The following PCCA variants were observed in gnomAD, a reference collection of about 807,000 sequenced individuals.
PCCA encodes propionyl-CoA carboxylase alpha chain, mitochondrial.
A neutral mutation model predicts 101.3 loss-of-function variants in PCCA; 74 were observed. That is an observed-to-expected ratio of 0.73 (90% confidence interval 0.61 to 0.89). PCCA has a LOEUF of 0.89. Among genes scored for constraint, PCCA ranks in the 40% least tolerant of loss-of-function variants. PCCA has a pLI of 0.00. For missense variants in PCCA, 891 were observed against 907.0 expected (o/e 0.98, Z 0.23); for synonymous variants, 294 against 313.6 (o/e 0.94, Z 0.66).
chr13:100,358,138 T>C (rs2074145754), intron 18 of PCCA, among the ~76,000 whole-genome samples: 3 of 152,240 alleles, frequency 2.0e-5, no homozygotes, highest in Non-Finnish European at 2.9e-5. Context: ...CTGGAATAAA[T>C]GGTTTGGACT....
intron 8 of PCCA, among the ~76,000 whole-genome samples, chr13:100,250,309 A>G (rs2061674996): frequency 6.6e-6 from 1 of 152,054 alleles, no homozygotes; most frequent in Non-Finnish European, 1.5e-5. Context: ...GCATCTATTT[A>G]TATGATCATA....
At chr13:100,139,870 A>C (rs9585361) in intron 4 of PCCA, among the ~76,000 whole-genome samples, 11 of 150,784 alleles carry the variant, frequency 7.3e-5, no homozygotes, top group African/African-American at 2.4e-4. Flanking sequence ...TTCAGTAGCA[A>C]TTAACTTGGT....
intron 18 of PCCA, among the ~76,000 whole-genome samples, chr13:100,343,300 T>G (rs1183639524): frequency 6.6e-6 from 1 of 151,842 alleles, no homozygotes; most frequent in East Asian, 1.9e-4. Context: ...AAGTTCATGA[T>G]AAGATGCTCA....
intron 7 of PCCA, among the ~76,000 whole-genome samples, chr13:100,216,220 A>G (rs1035170570): frequency 4.6e-5 from 7 of 152,122 alleles, no homozygotes; most frequent in African/African-American, 1.4e-4. Flanking sequence ...TCATGTTGCT[A>G]TCCTGGAGAA....
chr13:100,185,655 T>A (rs2057193067), intron 6 of PCCA, among the ~76,000 whole-genome samples: 1 of 151,582 alleles, frequency 6.6e-6, no homozygotes, highest in South Asian at 2.1e-4. Context: ...TTCTTTTTTT[T>A]TTTTTTTGTG....
intron 19 of PCCA, among the ~76,000 whole-genome samples, chr13:100,411,509 G>A (rs2078049951): frequency 6.6e-6 from 1 of 152,180 alleles, no homozygotes; most frequent in Admixed American, 6.5e-5. Context: ...CATTAATCAA[G>A]AGGAAACATT....
At chr13:100,452,651 TTA>T (rs1437721874) in intron 21 of PCCA, among the ~76,000 whole-genome samples, 5 of 135,956 alleles carry the variant, frequency 3.7e-5, no homozygotes, top group African/African-American at 1.7e-4. Flanking sequence ...CTTTATTTAT[TTA>T]TTTTTTTCAT....
chr13:100,315,079 A>G (rs2152705691), intron 16 of PCCA, among the ~76,000 whole-genome samples: 1 of 152,332 alleles, frequency 6.6e-6, no homozygotes, highest in Middle Eastern at 3.4e-3. Flanking sequence ...CATATGTTTA[A>G]GAAGGAAAAT....
intron 12 of PCCA, among the ~76,000 whole-genome samples, chr13:100,281,369 A>G (rs1460091372): frequency 6.6e-6 from 1 of 152,206 alleles, no homozygotes; most frequent in Non-Finnish European, 1.5e-5. Context: ...AGTGCTTAAG[A>G]TGGAAAAGAC....
At chr13:100,459,771 C>G (rs2082047012) in intron 21 of PCCA, among the ~76,000 whole-genome samples, 1 of 152,230 alleles carries the variant, frequency 6.6e-6, no homozygotes, top group African/African-American at 2.4e-5. Flanking sequence ...GTGGCTTAAA[C>G]AACAGATGTT....
intron 21 of PCCA, among the ~76,000 whole-genome samples, chr13:100,505,577 A>G (rs2086001530): frequency 6.6e-6 from 1 of 152,224 alleles, no homozygotes; most frequent in African/African-American, 2.4e-5. Flanking sequence ...AAAATCCACC[A>G]GTGTCAGTCT....
intron 8 of PCCA, among the ~76,000 whole-genome samples, chr13:100,256,671 C>G (rs1296282067): frequency 2.0e-5 from 3 of 152,074 alleles, no homozygotes; most frequent in African/African-American, 7.2e-5. Flanking sequence ...TCTAAGGATC[C>G]TATAGCTTGA....
intron 6 of PCCA, among the ~76,000 whole-genome samples, chr13:100,207,889 G>A (rs1034910820): frequency 3.3e-5 from 5 of 151,858 alleles, no homozygotes; most frequent in Admixed American, 6.6e-5. Flanking sequence ...GTGGTGGCGC[G>A]CTCCTGTAGT....
chr13:100,369,589 A>G (rs1409535710), intron 19 of PCCA, among the ~76,000 whole-genome samples: 4 of 152,214 alleles, frequency 2.6e-5, no homozygotes, highest in African/African-American at 4.8e-5. Flanking sequence ...TCACAGATCA[A>G]TGATGTCAGT....
chr13:100,119,448 AG>A (rs1284704800), intron 4 of PCCA, among the ~76,000 whole-genome samples: 2 of 152,192 alleles, frequency 1.3e-5, no homozygotes, highest in African/African-American at 4.8e-5. Context: ...CACACCCTCC[AG>A]GGTATCACTC....
At chr13:100,376,090 C>G (rs2152821716) in intron 19 of PCCA, among the ~76,000 whole-genome samples, 1 of 152,308 alleles carries the variant, frequency 6.6e-6, no homozygotes, top group East Asian at 1.9e-4. Flanking sequence ...AGTTTTCCTT[C>G]TAACAGTCAG....
chr13:100,153,061 C>G (rs1342794876), intron 4 of PCCA, among the ~76,000 whole-genome samples: 6 of 150,946 alleles, frequency 4.0e-5, no homozygotes, highest in African/African-American at 1.2e-4. Flanking sequence ...AGATTTTTAC[C>G]TTAAACATAA....
intron 4 of PCCA, among the ~76,000 whole-genome samples, chr13:100,114,039 G>A (rs1380796216): frequency 3.3e-5 from 5 of 151,484 alleles, no homozygotes; most frequent in Non-Finnish European, 7.4e-5. Context: ...TGGTAAAAAC[G>A]AAGACTCAAA....
chr13:100,246,922 TTAAG>T (rs1411913981), intron 8 of PCCA, among the ~76,000 whole-genome samples: 3 of 150,858 alleles, frequency 2.0e-5, no homozygotes, highest in Non-Finnish European at 2.9e-5. Flanking sequence ...TTTTTTTTAA[TTAAG>T]ACAATGGAGT....
Sources: gnomAD v4.1 joint callset for allele counts (sites outside exome capture counted in the v4.1 genomes callset) on GRCh38, gnomAD v4.1.1 for gene constraint, MANE v1.5 for transcripts, NCBI Gene and HGNC (gene_info 2026-07-23, HGNC 2026-07-21) for gene names.